CD200R1: variants seen among roughly 807,000 people sequenced by gnomAD.
CD200R1 encodes CD200 receptor 1.
A neutral mutation model predicts 38.1 loss-of-function variants in CD200R1; 30 were observed. The observed-to-expected ratio is 0.79, with a 90% CI of 0.59 to 1.07. The LOEUF (loss-of-function observed/expected upper bound fraction) is 1.07, where lower values mean the gene tolerates loss of function less well. Among genes scored for constraint, CD200R1 ranks in the 50% least tolerant of loss-of-function variants. The probability of loss-of-function intolerance (pLI) is 0.00; values close to 1 mark genes in which losing one functional copy is unlikely to be tolerated. For missense variants in CD200R1, 372 were observed against 415.4 expected (o/e 0.90, Z 0.91); for synonymous variants, 128 against 152.1 (o/e 0.84, Z 1.16).
chr3:112,931,136 T>C lies in CD200R1; in HGVS notation c.172A>G (p.Thr58Ala), dbSNP rs763443097. The C allele has an allele frequency of 5.0e-6, 8 of 1,610,506 alleles. No individual in the cohort carries two copies. In the Admixed American group the frequency reaches 1.3e-4, roughly 27 times the overall value. ...SSLCMDEKQI[T>A]QNYSKVLAEV... ...GCGAGTACTTTCGAGTAGTTCTGTG[T>C]AATCTGTTTTTCATCCATACATAAA... The change falls in exon 3 of 8, where the codon ACA (threonine) becomes GCA (alanine). Residue 58 changes from threonine to alanine, a missense_variant. Physicochemically the swap from Thr to Ala is moderately conservative, Grantham distance 58. Transcript: ENST00000308611.
At chr3:112,967,018 A>G (rs903105097) in intron 1 of CD200R1, among the ~76,000 whole-genome samples, 1 of 152,114 alleles carries the variant, frequency 6.6e-6, no homozygotes, top group Non-Finnish European at 1.5e-5. Flanking sequence ...ATGGATTTTA[A>G]CACAATTAAC....
At chr3:112,945,331 T>C (rs918933716) in intron 2 of CD200R1, among the ~76,000 whole-genome samples, 1 of 152,182 alleles carries the variant, frequency 6.6e-6, no homozygotes, top group Non-Finnish European at 1.5e-5. Flanking sequence ...ACTATAAAGC[T>C]ACAATAATCA....
intron 3 of CD200R1, among the ~76,000 whole-genome samples, chr3:112,930,158 T>C (rs973310092): frequency 2.0e-5 from 3 of 151,742 alleles, no homozygotes; most frequent in Admixed American, 6.6e-5. Flanking sequence ...AGCCATCCCA[T>C]AAAAATGAAA....
At chr3:112,966,564 T>C (rs1933168158) in intron 1 of CD200R1, among the ~76,000 whole-genome samples, 1 of 152,184 alleles carries the variant, frequency 6.6e-6, no homozygotes, top group South Asian at 2.1e-4. Context: ...TCTCATATTA[T>C]GTAATGGATA....
chr3:112,948,070 A>C, intron 1 of CD200R1, 146 bp from the exon 2 acceptor site: 1 of 653,672 alleles, frequency 1.5e-6, no homozygotes, highest in Non-Finnish European at 2.7e-6. Flanking sequence ...ACAGCCAAGC[A>C]AAAGTCTTGG....
intron 1 of CD200R1, among the ~76,000 whole-genome samples, chr3:112,956,529 C>T (rs1455606768): frequency 6.6e-6 from 1 of 152,132 alleles, no homozygotes; most frequent in Admixed American, 6.5e-5. Context: ...TGTGGTTGGT[C>T]ACTATCACTT....
intron 1 of CD200R1, among the ~76,000 whole-genome samples, chr3:112,960,762 A>G (rs2107339115): frequency 6.6e-6 from 1 of 152,148 alleles, no homozygotes; most frequent in East Asian, 1.9e-4. Context: ...TGGGGAGGAA[A>G]TGGCAGTAGT....
intron 2 of CD200R1, among the ~76,000 whole-genome samples, chr3:112,940,529 T>C (rs928104402): frequency 2.0e-5 from 3 of 151,652 alleles, no homozygotes; most frequent in Non-Finnish European, 3.0e-5. Flanking sequence ...AAGACATACA[T>C]ATGGTTAACA....
chr3:112,968,243 A>G (rs576694962), intron 1 of CD200R1, among the ~76,000 whole-genome samples: 1 of 152,346 alleles, frequency 6.6e-6, no homozygotes, highest in Non-Finnish European at 1.5e-5. Context: ...CATTCAATGC[A>G]TGGGTAACAT....
At chr3:112,942,514 T>C (rs1365090566) in intron 2 of CD200R1, among the ~76,000 whole-genome samples, 1 of 151,608 alleles carries the variant, frequency 6.6e-6, no homozygotes, top group East Asian at 1.9e-4. Flanking sequence ...AATACTCAGG[T>C]AAAATCATAA....
chr3:112,970,014 A>T (rs552960931), intron 1 of CD200R1, among the ~76,000 whole-genome samples: 2 of 152,050 alleles, frequency 1.3e-5, no homozygotes, highest in African/African-American at 4.8e-5. Context: ...TCTACAAAAA[A>T]TACAAAAAAA....
intron 1 of CD200R1, among the ~76,000 whole-genome samples, chr3:112,960,824 T>G (rs1352318823): frequency 2.6e-5 from 4 of 151,890 alleles, no homozygotes; most frequent in African/African-American, 9.7e-5. Flanking sequence ...TTAAAATGTA[T>G]GTAAATCAAA....
intron 2 of CD200R1, among the ~76,000 whole-genome samples, chr3:112,946,974 TGGAAAGTCATG>T (rs1482468624): frequency 6.6e-6 from 1 of 151,564 alleles, no homozygotes; most frequent in Non-Finnish European, 1.5e-5. Context: ...CATTAAGACA[TGGAAAGTCATG>T]GGGGAACACT....
intron 2 of CD200R1, among the ~76,000 whole-genome samples, chr3:112,933,956 T>C (rs562408605): frequency 6.6e-6 from 1 of 151,810 alleles, no homozygotes; most frequent in East Asian, 1.9e-4. Flanking sequence ...AAAAGAATTT[T>C]AAAAAAATAA....
intron 1 of CD200R1, among the ~76,000 whole-genome samples, chr3:112,965,870 A>G (rs1026690623): frequency 1.1e-4 from 17 of 152,218 alleles, no homozygotes; most frequent in African/African-American, 3.9e-4. Context: ...GTCAGGCAGG[A>G]TCCCAGAGGT....
intron 2 of CD200R1, among the ~76,000 whole-genome samples, chr3:112,936,956 T>C (rs1940599009): frequency 6.6e-6 from 1 of 152,228 alleles, no homozygotes; most frequent in Non-Finnish European, 1.5e-5. Flanking sequence ...TACGTTTAAG[T>C]CTTTAATCCA....
At chr3:112,963,148 A>C (rs922889018) in intron 1 of CD200R1, among the ~76,000 whole-genome samples, 2 of 152,232 alleles carry the variant, frequency 1.3e-5, no homozygotes, top group African/African-American at 4.8e-5. Flanking sequence ...TAGAACTCTA[A>C]GTCCATTAAA....
At chr3:112,938,840 C>T (rs1200781487) in intron 2 of CD200R1, among the ~76,000 whole-genome samples, 5 of 151,918 alleles carry the variant, frequency 3.3e-5, no homozygotes, top group Non-Finnish European at 7.4e-5. Context: ...AAAAGAAAAG[C>T]ACAAGCCAAT....
intron 5 of CD200R1, among the ~76,000 whole-genome samples, chr3:112,926,027 G>A (rs1436140130): frequency 2.6e-5 from 4 of 152,222 alleles, no homozygotes; most frequent in South Asian, 2.1e-4. Context: ...TTATAGCAGA[G>A]TGTTTCTCCC....
Sources: allele counts gnomAD v4.1 joint callset (sites outside exome capture counted in the v4.1 genomes callset), GRCh38; gene constraint gnomAD v4.1.1; transcripts MANE v1.5; gene names NCBI Gene and HGNC (gene_info 2026-07-23, HGNC 2026-07-21).